IFI16: variants seen among roughly 807,000 people sequenced by gnomAD.
The protein encoded by IFI16 is gamma-interferon-inducible protein 16.
In IFI16, 49 loss-of-function variants were observed where a neutral mutation model predicts 68.4. That is an observed-to-expected ratio of 0.72 (90% CI 0.57 to 0.91). IFI16 has a LOEUF of 0.91. Ranked by LOEUF, IFI16 falls within the 40% of genes least tolerant of loss-of-function variation. The probability of loss-of-function intolerance (pLI) is 0.00; values close to 1 mark genes in which losing one functional copy is unlikely to be tolerated. For synonymous variants in IFI16, 307 were observed against 315.0 expected (o/e 0.97, Z 0.27); for missense variants, 878 against 942.9 (o/e 0.93, Z 0.90).
At chr1:159,023,717 T>A (rs1186605403) in intron 6 of IFI16, among the ~76,000 whole-genome samples, 1 of 152,076 alleles carries the variant, frequency 6.6e-6, no homozygotes, top group Non-Finnish European at 1.5e-5. Flanking sequence ...TGGCAGAGTG[T>A]CTAGTAAAAG....
At chr1:159,012,405 T>C (rs756077938) in intron 1 of IFI16, among the ~76,000 whole-genome samples, 6 of 152,216 alleles carry the variant, frequency 3.9e-5, no homozygotes, top group Non-Finnish European at 5.9e-5. Flanking sequence ...AGAAACTCCA[T>C]TGGGATATAA....
intron 4 of IFI16, 128 bp downstream of exon 4, chr1:159,016,828 T>C: frequency 1.2e-6 from 1 of 814,354 alleles, no homozygotes. Context: ...GAGAAACCAC[T>C]ACATTTTGAT....
At chr1:159,000,986 T>A (rs1652038792), upstream of IFI16, among the ~76,000 whole-genome samples, 4 of 152,150 alleles carry the variant, frequency 2.6e-5, no homozygotes, top group Admixed American at 2.6e-4. Context: ...TAGGGGAAGG[T>A]GTCTTAAGCA....
intron 7 of IFI16, among the ~76,000 whole-genome samples, chr1:159,040,868 T>C (rs1654590583): frequency 6.6e-6 from 1 of 152,226 alleles, no homozygotes; most frequent in African/African-American, 2.4e-5. Flanking sequence ...CTAGCGTTCA[T>C]AGTTTTGGAA....
rs142716815 is a variant in IFI16, at chr1:159,051,909, A to G, written c.1896A>G (p.Ile632Met). 101 of 1,614,014 alleles carry G rather than the reference A, an allele frequency of 6.3e-5. No individual in the cohort carries two copies. Among genetic ancestry groups the G allele is most frequent in the Non-Finnish European group, 5.1e-6 (6 of 1,179,960 alleles). ...EKFTPKKIIAIANYVCRNGFL... is the reference protein window; with the variant it reads ...EKFTPKKIIAMANYVCRNGFL... ...TCACCCCAAAGAAGATCATTGCCATAGCAAATTATGTTTGCCGCAATGGGT... is the reference window on the plus strand; with the variant it reads ...TCACCCCAAAGAAGATCATTGCCATGGCAAATTATGTTTGCCGCAATGGGT... Residue 632 changes from isoleucine to methionine, a missense_variant, in exon 10 of 12, where the codon ATA becomes ATG. Ile to Met is a conservative substitution (Grantham distance 10). Transcript: ENST00000295809.
rs771350825 is a variant in IFI16, at chr1:159,051,776, C to A, written c.1763C>A (p.Ser588Ter). Residue 588 changes from serine (S) to a stop codon, truncating the protein, a stop_gained, in exon 10 of 12, where the codon TCA (serine) becomes TAA (stop). Coordinates refer to ENST00000295809, the MANE Select transcript of IFI16 (RefSeq NM_001376587.1). LOFTEE classifies it high-confidence loss of function. The stretch of plus-strand genomic sequence containing the variant: ...GTGATGGTGCTGAACGCAACAGAAT[C>A]ATTTGTATATGAGCCCAAAGAGCAG... ...KEVMVLNATESFVYEPKEQKK... is the reference protein window; with the variant it reads ...KEVMVLNATE 12 of 1,614,060 alleles carry A rather than the reference C, an allele frequency of 7.4e-6. No individual in the cohort carries two copies. The South Asian group carries it at 1.3e-4, about 18-fold the overall frequency.
intron 10 of IFI16, chr1:159,053,055 G>T (rs1655459649): frequency 6.5e-6 from 1 of 152,956 alleles, no homozygotes; most frequent in African/African-American, 2.4e-5. Flanking sequence ...GGCAGATTGG[G>T]AAAGAGTGAC....
At chr1:159,013,731 A>AGT (rs1326821140) in intron 1 of IFI16, among the ~76,000 whole-genome samples, 1 of 152,180 alleles carries the variant, frequency 6.6e-6, no homozygotes, top group Non-Finnish European at 1.5e-5. Flanking sequence ...CTTTCCAGGC[A>AGT]GTAAGAAGGA....
At chr1:159,051,658 T>A in intron 9 of IFI16, 21 bp from the exon 10 acceptor site, 1 of 1,590,980 alleles carries the variant, frequency 6.3e-7, no homozygotes, top group Non-Finnish European at 8.6e-7. Flanking sequence ...TGTGCCTATG[T>A]TTTGGTCTCT....
chr1:159,023,026 T>C (rs927724369), intron 6 of IFI16, among the ~76,000 whole-genome samples: 1 of 152,174 alleles, frequency 6.6e-6, no homozygotes, highest in Non-Finnish European at 1.5e-5. Context: ...TAAGTTTTTG[T>C]ATAAAATTTC....
intron 1 of IFI16, among the ~76,000 whole-genome samples, chr1:159,000,729 T>G (rs1652027361): frequency 6.6e-6 from 1 of 152,176 alleles, no homozygotes; most frequent in African/African-American, 2.4e-5. Flanking sequence ...TCATATGGTT[T>G]GGATATTTAT....
chr1:159,017,205 A>T (rs902039573), intron 4 of IFI16, among the ~76,000 whole-genome samples: 1 of 152,236 alleles, frequency 6.6e-6, no homozygotes, highest in Non-Finnish European at 1.5e-5. Flanking sequence ...TTCTGTTAGC[A>T]TGCTACCTGC....
At chr1:159,052,678 T>G (rs1655435723) in intron 10 of IFI16, 1 of 150,248 alleles carries the variant, frequency 6.7e-6, no homozygotes, top group Non-Finnish European at 1.5e-5. Context: ...CTGCATTAAA[T>G]AATAAGAGAA....
intron 4 of IFI16, 97 bp downstream of exon 4, chr1:159,016,797 AGTTAATCCAAT>A: frequency 9.0e-7 from 1 of 1,107,222 alleles, no homozygotes; most frequent in South Asian, 1.4e-5. Flanking sequence ...ATAATTTGCT[AGTTAATCCAAT>A]GTACATATTG....
rs1652891858 is a variant in IFI16, at chr1:159,015,912, G to A, written c.306G>A (p.Val102=). Residue 102 remains valine, a synonymous_variant, in exon 3 of 12, where the codon GTG becomes GTA. Coordinates refer to ENST00000295809, the MANE Select transcript of IFI16 (RefSeq NM_001376587.1). ...PALSRKRKKE[V]DATSPAPSTS... ...TATCAAGAAAGAGGAAGAAGGAAGT[G>A]GATGCTACTTCACCTGCACCCTCCA... The A allele has an allele frequency of 6.2e-7, 1 of 1,613,956 alleles. No homozygotes were observed. The highest frequency in any genetic ancestry group is 1.1e-5 in the South Asian group (1 of 91,074).
At position 159,051,874 on chromosome 1, in the gene IFI16, AAGG is replaced by A. The variant is rs1655384122; in HGVS notation, c.1864_1866del (p.Glu622del). ...AGTGAAGGTTTTTAATATTGACCTA[AAGG>A]AGAAGTTCACCCCAAAGAAGATCAT... On this transcript the variant is annotated inframe_deletion, in exon 10 of 12. Transcript: ENST00000295809. 2 of 1,614,080 alleles carry A rather than the reference AAGG, an allele frequency of 1.2e-6. No homozygotes were observed. Among genetic ancestry groups the A allele is most frequent in the South Asian group, 2.2e-5 (2 of 91,078 alleles).
chr1:159,045,212 A>T, intron 7 of IFI16, 85 bp from the exon 8 acceptor site: 1 of 704,794 alleles, frequency 1.4e-6, no homozygotes, highest in East Asian at 2.7e-5. Flanking sequence ...ATCCTATTTA[A>T]AAAAGAAAAA....
At chr1:159,016,206 A>G (rs1257650146) in intron 3 of IFI16, among the ~76,000 whole-genome samples, 5 of 152,278 alleles carry the variant, frequency 3.3e-5, no homozygotes, top group Admixed American at 6.5e-5. Flanking sequence ...TAAATGTGAT[A>G]CCTTCATTCT....
intron 6 of IFI16, among the ~76,000 whole-genome samples, chr1:159,028,104 TA>T (rs1557871001): frequency 6.6e-6 from 1 of 151,850 alleles, no homozygotes; most frequent in Non-Finnish European, 1.5e-5. Flanking sequence ...GATGTGACCC[TA>T]GATTATCTAT....
Sources: allele counts gnomAD v4.1 joint callset (sites outside exome capture counted in the v4.1 genomes callset), GRCh38; gene constraint gnomAD v4.1.1; transcripts MANE v1.5; gene names NCBI Gene and HGNC (gene_info 2026-07-23, HGNC 2026-07-21).